The following RAB8A variants were observed in gnomAD, a reference collection of about 807,000 sequenced individuals.
RAB8A encodes ras-related protein Rab-8A.
RAB8A carries 5 observed loss-of-function variants against 29.2 expected under a neutral mutation model. The ratio of observed to expected loss-of-function variants is 0.17; its 90% CI spans 0.09 to 0.36. The LOEUF (loss-of-function observed/expected upper bound fraction) is 0.36, where lower values mean the gene tolerates loss of function less well. Among genes scored for constraint, RAB8A ranks in the 10% least tolerant of loss-of-function variants. The probability of loss-of-function intolerance (pLI) is 1.00; values close to 1 mark genes in which losing one functional copy is unlikely to be tolerated. For missense variants in RAB8A, 171 were observed against 272.2 expected (o/e 0.63, Z 2.62); for synonymous variants, 108 against 99.9 (o/e 1.08, Z -0.49).
chr19:16,120,302 G>T (rs952527359), intron 2 of RAB8A, among the ~76,000 whole-genome samples: 51 of 147,624 alleles, frequency 3.5e-4, no homozygotes, highest in Admixed American at 7.1e-5. Context: ...CAATCAGTTA[G>T]GTCACCTTTA....
At position 16,125,802 on chromosome 19, in the gene RAB8A, G is replaced by C; in HGVS notation, c.324+255G>C. Reference sequence around the variant, plus strand: ...GGCTGTTGGATCTGGCCAGTGTCATGGTTATAAGAGAAAGGATATCCAAGC... The same window carrying C: ...GGCTGTTGGATCTGGCCAGTGTCATCGTTATAAGAGAAAGGATATCCAAGC... On this transcript the variant is annotated intron_variant, in intron 4 of 7. Coordinates refer to ENST00000300935, the MANE Select transcript of RAB8A (RefSeq NM_005370.5). The surrounding 1 kb of genome is among the most constrained non-coding windows in gnomAD (Gnocchi z 5.0). 1 of 607,140 alleles carries C rather than the reference G, an allele frequency of 1.6e-6. No homozygotes were observed. The allele number at this position is 607,140 out of a possible 1,614,324, so 37.6% of individuals were successfully genotyped here. A position where few individuals can be genotyped will look rare whatever the true frequency, so the allele number is the denominator to read the frequency against.
chr19:16,116,759 C>T (rs1047518870), intron 1 of RAB8A, among the ~76,000 whole-genome samples: 9 of 152,048 alleles, frequency 5.9e-5, no homozygotes, highest in South Asian at 2.1e-4. Flanking sequence ...CACTTGAACC[C>T]GGGAGGCAGA....
rs532999431 is a variant in RAB8A at position 16,132,421 on chromosome 19, C to T, written c.*117C>T. 7.6e-5 allele frequency: 66 copies of T among 865,062 alleles called. 2 individuals are homozygous for T. The South Asian group carries it at 9.2e-4, about 12-fold the overall frequency. 53.6% of individuals were successfully genotyped at this position (865,062 alleles called of 1,614,324 possible). A position where few individuals can be genotyped will look rare whatever the true frequency, so the allele number is the denominator to read the frequency against. On this transcript the variant is annotated 3_prime_UTR_variant, in exon 8 of 8. Transcript: ENST00000300935. This position sits in a 1 kb window ranked among gnomAD's most constrained non-coding sequence, Gnocchi z 5.6. ...AACGCCCCGCCCACGCCGCGGCCAC[C>T]GGGCCCACGGCCACCAGAATGCAAT...
chr19:16,125,347 C>G lies in RAB8A; in HGVS notation c.247-123C>G, dbSNP rs1166496814. 5.1e-6 allele frequency: 4 copies of G among 787,560 alleles called. No homozygotes were observed. The African/African-American group carries it at 5.1e-5, about 10-fold the overall frequency. The allele number at this position is 787,560 out of a possible 1,614,324, so 48.8% of individuals were successfully genotyped here. Reference sequence around the variant, plus strand: ...GGCTCCACAGAGGTGGGGAGGGCGGCAGCTAATGGGCCTGGCTGTGCAGTG... The same window carrying G: ...GGCTCCACAGAGGTGGGGAGGGCGGGAGCTAATGGGCCTGGCTGTGCAGTG... On this transcript the variant is annotated intron_variant, in intron 3 of 7. Coordinates refer to ENST00000300935, the MANE Select transcript of RAB8A (RefSeq NM_005370.5). This position sits in a 1 kb window ranked among gnomAD's most constrained non-coding sequence, Gnocchi z 5.0.
intron 1 of RAB8A, among the ~76,000 whole-genome samples, chr19:16,116,186 G>T (rs1017408063): frequency 1.3e-5 from 2 of 152,176 alleles, no homozygotes; most frequent in Non-Finnish European, 2.9e-5. Flanking sequence ...TCCAGGGCAG[G>T]GAAGAGCAAA....
chr19:16,123,271 G>C (rs1250090372), intron 3 of RAB8A, among the ~76,000 whole-genome samples: 1 of 152,216 alleles, frequency 6.6e-6, no homozygotes, highest in Non-Finnish European at 1.5e-5. Context: ...CTGAACAGAT[G>C]CCACCACTGG....
chr19:16,119,589 C>T (rs2090864299), intron 2 of RAB8A, among the ~76,000 whole-genome samples: 3 of 152,142 alleles, frequency 2.0e-5, no homozygotes, highest in Non-Finnish European at 4.4e-5. Context: ...GTAAGTCAAG[C>T]TCTGGCTGCC....
At chr19:16,129,160 A>G (rs969065775) in intron 6 of RAB8A, among the ~76,000 whole-genome samples, 5 of 143,658 alleles carry the variant, frequency 3.5e-5, no homozygotes, top group Non-Finnish European at 7.8e-5. Flanking sequence ...GGGCACTCCT[A>G]GATCCTTCTG....
At chr19:16,129,477 C>A in intron 6 of RAB8A, 77 bp from the exon 7 acceptor site, 1 of 1,458,662 alleles carries the variant, frequency 6.9e-7, no homozygotes, top group Non-Finnish European at 9.6e-7. Flanking sequence ...AGCTGTCTCA[C>A]CACACCCGCT....
chr19:16,117,028 A>G (rs1414097114), intron 1 of RAB8A, among the ~76,000 whole-genome samples: 1 of 152,158 alleles, frequency 6.6e-6, no homozygotes, highest in East Asian at 1.9e-4. Flanking sequence ...TCTCACACTA[A>G]GTGACCTTTA....
At chr19:16,114,008 C>T (rs968467583) in intron 1 of RAB8A, among the ~76,000 whole-genome samples, 1 of 152,214 alleles carries the variant, frequency 6.6e-6, no homozygotes, top group Non-Finnish European at 1.5e-5. Flanking sequence ...CCCCCTCCCC[C>T]ACTCCAAGGC....
Position 16,125,374 on chromosome 19 carries a change from G to A in RAB8A, c.247-96G>A, listed in dbSNP as rs2090894892. 5.5e-6 allele frequency: 6 copies of A among 1,092,396 alleles called. No individual in the cohort carries two copies. The highest frequency in any genetic ancestry group is 5.1e-5 in the East Asian group (2 of 39,428). 67.7% of individuals were successfully genotyped at this position (1,092,396 alleles called of 1,614,324 possible). A position where few individuals can be genotyped will look rare whatever the true frequency, so the allele number is the denominator to read the frequency against. ...GCTAATGGGCCTGGCTGTGCAGTGGGTGCTGGGCTCCCCACCACTGTTCTC... is the reference window on the plus strand; with the variant it reads ...GCTAATGGGCCTGGCTGTGCAGTGGATGCTGGGCTCCCCACCACTGTTCTC... On this transcript the variant is annotated intron_variant, in intron 3 of 7. Coordinates refer to ENST00000300935, the MANE Select transcript of RAB8A (RefSeq NM_005370.5). The surrounding 1 kb of genome is among the most constrained non-coding windows in gnomAD (Gnocchi z 5.0).
intron 1 of RAB8A, 123 bp downstream of exon 1, chr19:16,112,148 C>A: frequency 7.3e-7 from 1 of 1,379,084 alleles, no homozygotes; most frequent in Non-Finnish European, 9.8e-7. Flanking sequence ...TCGAGGGGGC[C>A]TAAAGGGAGA....
At chr19:16,117,307 G>A (rs759628713) in intron 1 of RAB8A, among the ~76,000 whole-genome samples, 14 of 151,978 alleles carry the variant, frequency 9.2e-5, no homozygotes, top group Non-Finnish European at 1.6e-4. Flanking sequence ...TGGCCAACAC[G>A]GTGAAACCCC....
At chr19:16,128,117 CATGGGGCCT>C (rs2090909920) in intron 6 of RAB8A, 26 bp downstream of exon 6, 1 of 1,610,668 alleles carries the variant, frequency 6.2e-7, no homozygotes, top group Admixed American at 1.7e-5. Context: ...TGCTGGGAGA[CATGGGGCCT>C]GCAGGATCGG....
chr19:16,130,837 T>TC (rs2090921683), intron 7 of RAB8A, among the ~76,000 whole-genome samples: 1 of 150,118 alleles, frequency 6.7e-6, no homozygotes, highest in Non-Finnish European at 1.5e-5. Flanking sequence ...TTTTTCTTTT[T>TC]TTTTGAGAAG....
At chr19:16,119,545 G>C (rs1265087600) in intron 2 of RAB8A, among the ~76,000 whole-genome samples, 1 of 152,080 alleles carries the variant, frequency 6.6e-6, no homozygotes, top group South Asian at 2.1e-4. Context: ...AGTCGGGTAG[G>C]TTTAACTTGC....
rs181477542 is a variant in RAB8A, at chr19:16,122,788, A to T, written c.246+978A>T. On this transcript the variant is annotated intron_variant, in intron 3 of 7. Transcript: ENST00000300935. The surrounding 1 kb of genome is among the most constrained non-coding windows in gnomAD (Gnocchi z 4.7). The stretch of plus-strand genomic sequence containing the variant: ...GGCATCCGAAACCTCATGGCAACCC[A>T]CTCGTGTGGGCTGCAGCCTTAGTGT... Among the ~76,000 whole-genome samples, 31 of 152,038 alleles carry T rather than the reference A, an allele frequency of 2.0e-4. No individual in the cohort carries two copies. The highest frequency in any genetic ancestry group is 1.6e-3 in the Admixed American group (25 of 15,262).
intron 7 of RAB8A, among the ~76,000 whole-genome samples, chr19:16,131,432 G>T (rs2090923891): frequency 6.6e-6 from 1 of 152,074 alleles, no homozygotes; most frequent in African/African-American, 2.4e-5. Flanking sequence ...ATAGATAGAT[G>T]ATTGGTTTGT....
Sources: allele counts gnomAD v4.1 joint callset (sites outside exome capture counted in the v4.1 genomes callset), GRCh38; gene constraint gnomAD v4.1.1; non-coding constraint Gnocchi (gnomAD v3.1); transcripts MANE v1.5; gene names NCBI Gene and HGNC (gene_info 2026-07-23, HGNC 2026-07-21).